The following EXT1 variants were observed in gnomAD, a reference collection of about 807,000 sequenced individuals.
EXT1 encodes the protein exostosin-1.
EXT1 carries 20 observed loss-of-function variants against 82.5 expected under a neutral mutation model. The ratio of observed to expected loss-of-function variants is 0.24; its 90% CI spans 0.17 to 0.35. The LOEUF (loss-of-function observed/expected upper bound fraction) is 0.35, where lower values mean the gene tolerates loss of function less well. Among genes scored for constraint, EXT1 ranks in the 10% least tolerant of loss-of-function variants. The pLI, the probability that EXT1 is intolerant of heterozygous loss-of-function variation, is 1.00. For missense variants in EXT1, 757 were observed against 936.5 expected, an observed-to-expected ratio of 0.81 and a Z score of 2.50; for synonymous variants, 348 against 350.8, an observed-to-expected ratio of 0.99 and a Z score of 0.09.
intron 1 of EXT1, among the ~76,000 whole-genome samples, chr8:117,902,072 A>G (rs568125004): frequency 1.3e-5 from 2 of 151,312 alleles, no homozygotes; most frequent in Non-Finnish European, 2.9e-5. Context: ...AAACACACAC[A>G]TTAGCCTAGA....
At chr8:117,825,827 G>T (rs2129758419) in intron 4 of EXT1, among the ~76,000 whole-genome samples, 1 of 152,300 alleles carries the variant, frequency 6.6e-6, no homozygotes, top group African/African-American at 2.4e-5. Context: ...TGCATGATTA[G>T]ATAACTGAGG....
At chr8:118,103,883 T>A (rs1262384955) in intron 1 of EXT1, among the ~76,000 whole-genome samples, 1 of 152,212 alleles carries the variant, frequency 6.6e-6, no homozygotes, top group African/African-American at 2.4e-5. Flanking sequence ...TGAGCCAAAC[T>A]TTTTCCTCGG....
rs1156583120 is a variant in EXT1, at chr8:118,073,640, A to AAGAGAAGAGAAGAG, written c.962+36431_962+36444dup. The stretch of plus-strand genomic sequence containing the variant: ...GAAGAGAAGAGAAGAGAAAGAAGAG[A>AAGAGAAGAGAAGAG]AGAGAAGAGAAGAGAAGAGAAGAGA... On this transcript the variant is annotated intron_variant, in intron 1 of 10. Coordinates refer to ENST00000378204, the MANE Select transcript of EXT1 (RefSeq NM_000127.3). Among the ~76,000 whole-genome samples, 4 of 57,774 alleles carry AAGAGAAGAGAAGAG rather than the reference A, an allele frequency of 6.9e-5. No individual in the cohort carries two copies. The East Asian group carries it at 1.2e-3, about 17-fold the overall frequency. 37.9% of individuals were successfully genotyped at this position (57,774 alleles called of 152,430 possible).
chr8:118,037,186 A>T (rs1816435447), intron 1 of EXT1, among the ~76,000 whole-genome samples: 1 of 152,132 alleles, frequency 6.6e-6, no homozygotes, highest in Admixed American at 6.6e-5. Flanking sequence ...TTCCAGAATA[A>T]TCTAAGTAAA....
intron 1 of EXT1, among the ~76,000 whole-genome samples, chr8:117,853,355 G>C (rs1200501692): frequency 6.6e-6 from 1 of 152,132 alleles, no homozygotes; most frequent in Non-Finnish European, 1.5e-5. Flanking sequence ...GACTGGCCTG[G>C]CCAACATGGT....
At chr8:117,809,218 A>AATATATATATATATAT (rs71307404) in intron 8 of EXT1, among the ~76,000 whole-genome samples, 1,535 of 107,738 alleles carry the variant, frequency 0.014, 23 homozygotes, top group Middle Eastern at 0.048. Flanking sequence ...TGTGTGTATA[A>AATATATATATATATAT]ATATATATAT....
chr8:117,942,512 G>C (rs1814303653), intron 1 of EXT1, among the ~76,000 whole-genome samples: 1 of 152,118 alleles, frequency 6.6e-6, no homozygotes, highest in Non-Finnish European at 1.5e-5. Context: ...GGGAGTTCCA[G>C]ACCAGACTGA....
chr8:117,886,827 G>C (rs1228745153), intron 1 of EXT1, among the ~76,000 whole-genome samples: 2 of 152,112 alleles, frequency 1.3e-5, no homozygotes, highest in African/African-American at 4.8e-5. Context: ...AATTATTCAA[G>C]GGCTTCAATC....
chr8:117,948,096 T>C (rs1368830082), intron 1 of EXT1, among the ~76,000 whole-genome samples: 1 of 152,010 alleles, frequency 6.6e-6, no homozygotes, highest in African/African-American at 2.4e-5. Context: ...ATCCTACCTC[T>C]TTCCAAAAAA....
intron 1 of EXT1, among the ~76,000 whole-genome samples, chr8:118,103,505 G>T (rs956492100): frequency 6.6e-6 from 1 of 152,116 alleles, no homozygotes; most frequent in African/African-American, 2.4e-5. Context: ...AAGAGCCTTA[G>T]GTCCTGGAGG....
chr8:117,946,756 A>G (rs1044426118), intron 1 of EXT1, among the ~76,000 whole-genome samples: 3 of 152,208 alleles, frequency 2.0e-5, no homozygotes, highest in African/African-American at 7.2e-5. Context: ...TCCCACGTGA[A>G]CTTCACCATC....
chr8:117,917,276 C>A (rs1416219625), intron 1 of EXT1, among the ~76,000 whole-genome samples: 1 of 152,086 alleles, frequency 6.6e-6, no homozygotes, highest in Admixed American at 6.6e-5. Context: ...AAGTTAGAGA[C>A]TAGCTTGGCG....
intron 7 of EXT1, among the ~76,000 whole-genome samples, chr8:117,813,555 A>G (rs1489300508): frequency 6.6e-6 from 1 of 152,238 alleles, no homozygotes; most frequent in East Asian, 1.9e-4. Context: ...ATCACTGTAG[A>G]AAGTGCTGCT....
chr8:117,916,741 C>T lies in EXT1; in HGVS notation c.963-79540G>A, dbSNP rs113132331. ...TAGTCTGGCCAACATGGTGAAACCC[C>T]GTCTCTACTAAAAATAGAAAAATTA... On this transcript the variant is annotated intron_variant, in intron 1 of 10. Transcript: ENST00000378204. Among the ~76,000 whole-genome samples the T allele has an allele frequency of 5.4e-3, 819 of 151,496 alleles. 11 individuals carry two copies. The highest frequency in any genetic ancestry group is 0.018 in the African/African-American group (742 of 41,026).
chr8:117,828,875 A>G (rs1812051028), intron 4 of EXT1, among the ~76,000 whole-genome samples: 1 of 152,152 alleles, frequency 6.6e-6, no homozygotes, highest in Admixed American at 6.5e-5. Flanking sequence ...CAGGAGCCCA[A>G]GCTCAGCATG....
At chr8:118,098,997 C>T (rs897830) in intron 1 of EXT1, among the ~76,000 whole-genome samples, 79,927 of 152,088 alleles carry the variant, frequency 0.53, 23,059 homozygotes, top group Middle Eastern at 0.67. Context: ...TTAAGACCAT[C>T]AGTATATTTT....
chr8:118,041,665 AGAAGGAAG>A (rs57360744), intron 1 of EXT1, among the ~76,000 whole-genome samples: 9,650 of 125,120 alleles, frequency 0.077, 401 homozygotes, highest in Middle Eastern at 0.14. Context: ...AGAGAGAGAA[AGAAGGAAG>A]GAAGGAAGGA....
rs567759596 is a variant in EXT1, at chr8:117,919,193, GT to G, written c.963-81993del. On this transcript the variant is annotated intron_variant, in intron 1 of 10. Coordinates refer to ENST00000378204, the MANE Select transcript of EXT1 (RefSeq NM_000127.3). Reference sequence around the variant, plus strand: ...AATTAATTAAGAAGACATCTGAGGTGTTTTTTTTTTTGGAGACAAGGTGTCA... The same window carrying G: ...AATTAATTAAGAAGACATCTGAGGTGTTTTTTTTTTGGAGACAAGGTGTCA... Among the ~76,000 whole-genome samples, 45 of 145,684 alleles carry G rather than the reference GT, an allele frequency of 3.1e-4. 1 individual carries two copies. Among genetic ancestry groups the G allele is most frequent in the East Asian group, 4.0e-4 (2 of 4,982 alleles).
At chr8:118,076,919 T>G (rs939606721) in intron 1 of EXT1, among the ~76,000 whole-genome samples, 8 of 152,132 alleles carry the variant, frequency 5.3e-5, no homozygotes, top group Non-Finnish European at 4.4e-5. Context: ...GTTGTTTTTT[T>G]GAAATGCTTG....
Sources: allele counts gnomAD v4.1 joint callset (sites outside exome capture counted in the v4.1 genomes callset), GRCh38; gene constraint gnomAD v4.1.1; transcripts MANE v1.5; gene names NCBI Gene and HGNC (gene_info 2026-07-23, HGNC 2026-07-21).